The following RAB5C variants were observed in gnomAD, a reference collection of about 807,000 sequenced individuals.
The protein encoded by RAB5C is ras-related protein Rab-5C.
In RAB5C, 4 loss-of-function variants were observed where a neutral mutation model predicts 25.2. That is an observed-to-expected ratio of 0.16 (90% CI 0.08 to 0.36). The LOEUF is 0.36. Among genes scored for constraint, RAB5C ranks in the 10% least tolerant of loss-of-function variants. RAB5C has a pLI of 1.00. For synonymous variants in RAB5C, 100 were observed against 106.4 expected, an observed-to-expected ratio of 0.94 and a Z score of 0.37; for missense variants, 199 against 283.8, an observed-to-expected ratio of 0.70 and a Z score of 2.15.
chr17:42,126,914 A>G (rs1598242575), intron 4 of RAB5C, 66 bp from the exon 5 acceptor site: 2 of 1,049,714 alleles, frequency 1.9e-6, no homozygotes, highest in East Asian at 4.8e-5. Context: ...CCCAGGGCCC[A>G]GGATACAAAC....
chr17:42,153,450 A>G (rs1418616174), intron 1 of RAB5C, among the ~76,000 whole-genome samples: 1 of 152,036 alleles, frequency 6.6e-6, no homozygotes, highest in Non-Finnish European at 1.5e-5. Flanking sequence ...AAGAAAGTAC[A>G]TCCTAGCTCT....
intron 1 of RAB5C, among the ~76,000 whole-genome samples, chr17:42,145,493 T>C (rs1568024490): frequency 6.6e-6 from 1 of 152,222 alleles, no homozygotes; most frequent in South Asian, 2.1e-4. Flanking sequence ...AGTCTACTTA[T>C]GAAAAAAACA....
At chr17:42,130,107 TG>T in intron 2 of RAB5C, 1 of 566,668 alleles carries the variant, frequency 1.8e-6, no homozygotes, top group South Asian at 2.6e-5. Flanking sequence ...AGAAACAGGA[TG>T]GGAAGCTAGC....
At chr17:42,140,851 C>T (rs1270675919) in intron 1 of RAB5C, among the ~76,000 whole-genome samples, 2 of 151,754 alleles carry the variant, frequency 1.3e-5, no homozygotes, top group Non-Finnish European at 2.9e-5. Flanking sequence ...ATTTTTGAGA[C>T]AGGGTCTTGC....
At chr17:42,153,621 C>G (rs1030295881) in intron 1 of RAB5C, among the ~76,000 whole-genome samples, 5 of 152,150 alleles carry the variant, frequency 3.3e-5, no homozygotes, top group African/African-American at 1.2e-4. Flanking sequence ...GCACGGCTTT[C>G]CGTCCCTTCC....
intron 1 of RAB5C, among the ~76,000 whole-genome samples, chr17:42,139,667 A>G (rs1178245304): frequency 6.6e-6 from 1 of 152,162 alleles, no homozygotes; most frequent in Admixed American, 6.5e-5. Flanking sequence ...TCACCATGTT[A>G]GTCAGGATGG....
chr17:42,146,358 G>A (rs2079635001), intron 1 of RAB5C, among the ~76,000 whole-genome samples: 2 of 152,216 alleles, frequency 1.3e-5, no homozygotes, highest in Non-Finnish European at 2.9e-5. Context: ...GAGGGATTGT[G>A]AGAAAACTCT....
At chr17:42,150,709 A>C (rs193060313) in intron 1 of RAB5C, among the ~76,000 whole-genome samples, 1 of 147,158 alleles carries the variant, frequency 6.8e-6, no homozygotes, top group African/African-American at 2.5e-5. Context: ...CTACAAAAAT[A>C]CCAAAAAAAA....
At position 42,130,478 on chromosome 17, in the gene RAB5C, G is replaced by A. The variant is rs2054473161; in HGVS notation, c.25C>T (p.Arg9Ter). 1 of 1,614,032 alleles carries A rather than the reference G, an allele frequency of 6.2e-7. No individual in the cohort carries two copies. Among genetic ancestry groups the A allele is most frequent in the Non-Finnish European group, 8.5e-7 (1 of 1,179,992 alleles). MAGRGGAA[R>*]PNGPAAGNKI... ...TTCCCAGCAGCTGGTCCATTGGGTC[G>A]TGCTGCGCCTCCCCGACCCGCCATT... The change falls in exon 2 of 6, where the codon CGA (arginine) becomes TGA (stop). Residue 9 changes from arginine (R) to a stop codon, truncating the protein, a stop_gained. Transcript: ENST00000346213. LOFTEE classifies it high-confidence loss of function.
At chr17:42,131,627 G>C (rs1177522805) in intron 1 of RAB5C, 1 of 1,533,498 alleles carries the variant, frequency 6.5e-7, no homozygotes, top group Non-Finnish European at 8.7e-7. Flanking sequence ...TTCTCTACTG[G>C]CAGAGATGGG....
intron 1 of RAB5C, among the ~76,000 whole-genome samples, chr17:42,139,298 G>A (rs1440615668): frequency 6.6e-6 from 1 of 152,194 alleles, no homozygotes; most frequent in East Asian, 1.9e-4. Flanking sequence ...AGCACGGAAG[G>A]CCCACAGACA....
chr17:42,148,380 G>A (rs1157659473), intron 1 of RAB5C, among the ~76,000 whole-genome samples: 2 of 144,522 alleles, frequency 1.4e-5, no homozygotes, highest in Non-Finnish European at 3.0e-5. Flanking sequence ...CTCCAGCCTG[G>A]GTGAGAGGTC....
intron 1 of RAB5C, among the ~76,000 whole-genome samples, chr17:42,149,884 T>G (rs980365436): frequency 2.0e-5 from 3 of 149,926 alleles, no homozygotes; most frequent in Admixed American, 1.3e-4. Flanking sequence ...TGGTTTTTTT[T>G]TTTTTTTTTT....
rs767742804 is a variant in RAB5C at position 42,125,911 on chromosome 17, G to A, written c.536-13C>T. ...GGAAGCTTCTTAGCTGTTTGGGAGG[G>A]GGAAAAGTGCATTTGTTGGGGGTAC... On this transcript the variant is annotated splice_polypyrimidine_tract_variant and intron_variant, in intron 5 of 5. Coordinates refer to ENST00000346213, the MANE Select transcript of RAB5C (RefSeq NM_004583.4). 3.3e-5 allele frequency: 52 copies of A among 1,586,798 alleles called. No individual in the cohort carries two copies. Among genetic ancestry groups the A allele is most frequent in the Admixed American group, 7.0e-5 (4 of 57,298 alleles).
intron 1 of RAB5C, among the ~76,000 whole-genome samples, chr17:42,153,288 C>T (rs537410581): frequency 6.5e-4 from 98 of 151,928 alleles, no homozygotes; most frequent in African/African-American, 2.2e-3. Context: ...TGGTGGCAGG[C>T]GCCTGTTAAT....
At chr17:42,152,624 C>CA in intron 1 of RAB5C, among the ~76,000 whole-genome samples, 1 of 151,858 alleles carries the variant, frequency 6.6e-6, no homozygotes. Flanking sequence ...ACTAAAAATA[C>CA]AAAAATTAGC....
intron 1 of RAB5C, among the ~76,000 whole-genome samples, chr17:42,135,116 G>C (rs1287769215): frequency 6.6e-6 from 1 of 151,876 alleles, no homozygotes; most frequent in East Asian, 1.9e-4. Flanking sequence ...GGAGTAGCTG[G>C]AACTATAGGT....
chr17:42,153,727 G>A (rs1381720363), intron 1 of RAB5C, among the ~76,000 whole-genome samples: 2 of 152,180 alleles, frequency 1.3e-5, no homozygotes, highest in Non-Finnish European at 2.9e-5. Context: ...ACATAACAAA[G>A]CTTGGTCTGA....
At chr17:42,147,050 CAGAAAAAGAAAGAAAGAA>C (rs1013086332) in intron 1 of RAB5C, among the ~76,000 whole-genome samples, 20 of 120,684 alleles carry the variant, frequency 1.7e-4, no homozygotes, top group Non-Finnish European at 2.9e-4. Flanking sequence ...GAAAGAAAGA[CAGAAAAAGAAAGAAAGAA>C]AGAAAAAGAA....
Sources: gnomAD v4.1 joint callset for allele counts (sites outside exome capture counted in the v4.1 genomes callset) on GRCh38, gnomAD v4.1.1 for gene constraint, MANE v1.5 for transcripts, NCBI Gene and HGNC (gene_info 2026-07-23, HGNC 2026-07-21) for gene names.